Variants in VIT observed in about 807,000 individuals in gnomAD.
VIT encodes vitrin.
In VIT, 99 loss-of-function variants were observed where a neutral mutation model predicts 78.0. The observed-to-expected ratio is 1.27, with a 90% confidence interval of 1.08 to 1.50. The LOEUF is 1.50. VIT is among the 40% of genes most tolerant of loss of function. The pLI, the probability that VIT is intolerant of heterozygous loss-of-function variation, is 0.00. For missense variants in VIT, 1,126 were observed against 875.3 expected (o/e 1.29, Z -3.61); for synonymous variants, 374 against 334.3 (o/e 1.12, Z -1.29).
rs770283768 is a variant in VIT at position 36,808,985 on chromosome 2, G to A, written c.1903G>A (p.Gly635Arg). The A allele has an allele frequency of 1.3e-6, 2 of 1,572,786 alleles. No individual in the cohort carries two copies. Among genetic ancestry groups the A allele is most frequent in the Admixed American group, 3.5e-5 (2 of 57,732 alleles). Residue 635 changes from glycine (G) to arginine (R), a missense_variant and splice_region_variant, in exon 15 of 16, where the codon GGA becomes AGA. Transcript: ENST00000379242. ...CCCAGCCATGGCTGCCCATCTGAAGGGTAAGCTGGGCTTGCCAAGCAGCCT... is the reference window on the plus strand; with the variant it reads ...CCCAGCCATGGCTGCCCATCTGAAGAGTAAGCTGGGCTTGCCAAGCAGCCT... Reference protein sequence around the residue: ...RIPAMAAHLKGVITYAIGVAW... With the variant: ...RIPAMAAHLKRVITYAIGVAW...
chr2:36,775,057 T>C lies in VIT; in HGVS notation c.792T>C (p.Asp264=), dbSNP rs746561321. Residue 264 remains aspartate (D), a synonymous_variant, in exon 9 of 16, where the codon GAT becomes GAC. Transcript: ENST00000379242. ...CCTTCCAGAAACCTGTTGGAGCGGATGTCAGCCTGGGTAAGCTGCCCACTG... is the reference window on the plus strand; with the variant it reads ...CCTTCCAGAAACCTGTTGGAGCGGACGTCAGCCTGGGTAAGCTGCCCACTG... The part of the protein sequence containing the change: ...GAAFQKPVGA[D]VSLGEMDSWK... 1.2e-5 allele frequency: 20 copies of C among 1,613,848 alleles called. No individual in the cohort carries two copies. The highest frequency in any genetic ancestry group is 8.9e-5 in the East Asian group (4 of 44,886).
At chr2:36,698,769 C>A (rs1354899044) in intron 1 of VIT, among the ~76,000 whole-genome samples, 2 of 151,968 alleles carry the variant, frequency 1.3e-5, no homozygotes, top group Non-Finnish European at 2.9e-5. Context: ...CATGGTGAAA[C>A]CCCATCTCTA....
intron 15 of VIT, among the ~76,000 whole-genome samples, chr2:36,811,353 T>C (rs949489215): frequency 6.6e-6 from 1 of 152,222 alleles, no homozygotes; most frequent in Non-Finnish European, 1.5e-5. Flanking sequence ...TTTTTCTAGA[T>C]GTACGTCTTT....
chr2:36,813,001 A>G (rs1340445614), intron 15 of VIT, among the ~76,000 whole-genome samples: 10 of 145,950 alleles, frequency 6.9e-5, no homozygotes, highest in African/African-American at 2.6e-4. Context: ...AGCTGGGACT[A>G]CAGGCATGTG....
chr2:36,748,780 G>A (rs763684276), intron 4 of VIT, among the ~76,000 whole-genome samples: 1 of 152,344 alleles, frequency 6.6e-6, no homozygotes, highest in African/African-American at 2.4e-5. Context: ...TTCGTGCAAG[G>A]TTGCTAGCTT....
chr2:36,726,807 G>C (rs1198326115), intron 2 of VIT, among the ~76,000 whole-genome samples: 1 of 137,860 alleles, frequency 7.3e-6, no homozygotes, highest in African/African-American at 2.8e-5. Context: ...CAACAGAGTG[G>C]GACTCTGTCT....
At chr2:36,776,004 A>T (rs1173161245) in intron 9 of VIT, among the ~76,000 whole-genome samples, 1 of 152,242 alleles carries the variant, frequency 6.6e-6, no homozygotes, top group Non-Finnish European at 1.5e-5. Flanking sequence ...AAATCGTCAG[A>T]TTATGGAATT....
intron 10 of VIT, among the ~76,000 whole-genome samples, chr2:36,782,653 AATGGTATAT>A (rs1482238198): frequency 1.3e-5 from 2 of 152,062 alleles, no homozygotes; most frequent in African/African-American, 2.4e-5. Context: ...TATTTCTTTA[AATGGTATAT>A]TTATGAACTT....
At chr2:36,724,611 T>C (rs926983955) in intron 2 of VIT, among the ~76,000 whole-genome samples, 1 of 152,170 alleles carries the variant, frequency 6.6e-6, no homozygotes, top group Non-Finnish European at 1.5e-5. Context: ...GAATGGTTTC[T>C]GAGGAGCTTT....
chr2:36,752,632 T>C (rs558856409), intron 4 of VIT, among the ~76,000 whole-genome samples: 2 of 152,344 alleles, frequency 1.3e-5, no homozygotes, highest in East Asian at 3.9e-4. Context: ...GCCTCGTAAG[T>C]GGAACCACAG....
chr2:36,715,164 G>A (rs1666046478), intron 1 of VIT, among the ~76,000 whole-genome samples: 1 of 152,130 alleles, frequency 6.6e-6, no homozygotes, highest in Non-Finnish European at 1.5e-5. Context: ...GGCCCTTGGG[G>A]AATCTCTAGC....
chr2:36,699,969 A>C (rs1451916778), intron 1 of VIT, among the ~76,000 whole-genome samples: 2 of 151,906 alleles, frequency 1.3e-5, no homozygotes, highest in Non-Finnish European at 2.9e-5. Context: ...ACTACTGCCT[A>C]CCCCACAGAG....
At chr2:36,717,348 G>A (rs1216631797) in intron 2 of VIT, among the ~76,000 whole-genome samples, 3 of 123,096 alleles carry the variant, frequency 2.4e-5, no homozygotes, top group South Asian at 3.4e-4. Context: ...GTGTGTGTGT[G>A]TGTGTGTGTG....
intron 12 of VIT, among the ~76,000 whole-genome samples, chr2:36,792,453 C>CTG (rs1279346760): frequency 2.0e-5 from 3 of 151,190 alleles, no homozygotes; most frequent in Non-Finnish European, 3.0e-5. Flanking sequence ...ATACAAACGA[C>CTG]TGCGCTTGAC....
rs146002497 is a variant in VIT at position 36,759,621 on chromosome 2, G to A, written c.487+575G>A. On this transcript the variant is annotated intron_variant, in intron 6 of 15. Transcript: ENST00000379242. ...ATCAAGAACTGTACTATGCATTATT[G>A]TATCTCCAGAGGTGTTTTGATTTCC... 2.0e-3 allele frequency: 2,035 copies of A among 1,001,418 alleles called. 31 individuals carry two copies. In the African/African-American group the frequency reaches 0.032, roughly 16 times the overall value. The allele number at this position is 1,001,418 out of a possible 1,614,324, so 62.0% of individuals were successfully genotyped here.
At chr2:36,759,489 T>C (rs1668976655) in intron 6 of VIT, 7 of 1,181,290 alleles carry the variant, frequency 5.9e-6, no homozygotes, top group Middle Eastern at 3.8e-4. Context: ...AGGCCAAAAA[T>C]ACACTGTCTA....
chr2:36,776,862 G>A (rs1256208945), intron 9 of VIT, among the ~76,000 whole-genome samples: 1 of 151,886 alleles, frequency 6.6e-6, no homozygotes. Context: ...GGCCAAGGAG[G>A]GCAGATCACG....
intron 13 of VIT, 41 bp from the exon 14 acceptor site, chr2:36,805,397 C>A: frequency 6.5e-7 from 1 of 1,531,948 alleles, no homozygotes; most frequent in Non-Finnish European, 8.8e-7. Flanking sequence ...TATTTATAAT[C>A]AGCGTGATCA....
intron 1 of VIT, among the ~76,000 whole-genome samples, chr2:36,711,670 G>C (rs1372830473): frequency 6.6e-6 from 1 of 152,160 alleles, no homozygotes; most frequent in African/African-American, 2.4e-5. Context: ...CCAGGCTCTA[G>C]AAACTGAACA....
Sources: allele counts gnomAD v4.1 joint callset (sites outside exome capture counted in the v4.1 genomes callset), GRCh38; gene constraint gnomAD v4.1.1; transcripts MANE v1.5; gene names NCBI Gene and HGNC (gene_info 2026-07-23, HGNC 2026-07-21).